Variants in LRATD1 observed in about 807,000 individuals in gnomAD.
The protein encoded by LRATD1 is LRAT domain containing 1, also known as protein LRATD1.
Under a neutral mutation model 21.3 loss-of-function variants are expected in LRATD1, and 8 were observed. The observed-to-expected ratio is 0.38, with a 90% CI of 0.22 to 0.68. The LOEUF is 0.68. Among genes scored for constraint, LRATD1 ranks in the 30% least tolerant of loss-of-function variants. The pLI, the probability that LRATD1 is intolerant of heterozygous loss-of-function variation, is 0.54. For synonymous variants in LRATD1, 210 were observed against 186.2 expected, an observed-to-expected ratio of 1.13 and a Z score of -1.04; for missense variants, 380 against 404.0, an observed-to-expected ratio of 0.94 and a Z score of 0.51.
Position 14,634,340 on chromosome 2 carries a change from G to A in LRATD1, c.361G>A (p.Glu121Lys). The A allele has an allele frequency of 1.3e-6, 2 of 1,586,156 alleles. No individual in the cohort carries two copies. The highest frequency in any genetic ancestry group is 1.7e-6 in the Non-Finnish European group (2 of 1,169,676). ...GGTCACCGCGCTGCCAGCGCTCTGC[G>A]AACCCGGCGACCTGCTGGAGCTGCT... is the stretch of plus-strand genomic sequence containing the variant. ...YAVTALPALC[E>K]PGDLLELLWL... Residue 121 changes from glutamate (E) to lysine (K), a missense_variant, in exon 2 of 2, where the codon GAA (glutamate) becomes AAA (lysine). By Grantham distance (56) the Glu-to-Lys change is moderately conservative. Transcript: ENST00000295092.
rs2103408966 is a variant in LRATD1 at position 14,637,229 on chromosome 2, C to G, written c.*2371C>G. Reference sequence around the variant, plus strand: ...TAAACACCATCTTAAGCACTTGTTCCTGCAGGACTCCTTCTTGACATTTTG... The same window carrying G: ...TAAACACCATCTTAAGCACTTGTTCGTGCAGGACTCCTTCTTGACATTTTG... On this transcript the variant is annotated 3_prime_UTR_variant, in exon 2 of 2. Transcript: ENST00000295092. The G allele has an allele frequency of 6.0e-6, 1 of 167,096 alleles. No individual in the cohort carries two copies. The highest frequency in any genetic ancestry group is 1.9e-4 in the East Asian group (1 of 5,186). 10.4% of individuals were successfully genotyped at this position (167,096 alleles called of 1,614,324 possible). A position where few individuals can be genotyped will look rare whatever the true frequency, so the allele number is the denominator to read the frequency against.
rs1205342501 is a variant in LRATD1 at position 14,636,583 on chromosome 2, G to A, written c.*1725G>A. 1 of 167,080 alleles carries A rather than the reference G, an allele frequency of 6.0e-6. No individual in the cohort carries two copies. The highest frequency in any genetic ancestry group is 1.9e-4 in the East Asian group (1 of 5,206). The allele number at this position is 167,080 out of a possible 1,614,324, so 10.3% of individuals were successfully genotyped here. A position where few individuals can be genotyped will look rare whatever the true frequency, so the allele number is the denominator to read the frequency against. On this transcript the variant is annotated 3_prime_UTR_variant, in exon 2 of 2. Transcript: ENST00000295092. ...AAACTTCTCTCCTCCCTCCAGCTGC[G>A]GCCCCAGCCTAACTGATAGTTACTT...
Position 14,635,912 on chromosome 2 carries a change from A to C in LRATD1, c.*1054A>C. On this transcript the variant is annotated 3_prime_UTR_variant, in exon 2 of 2. Transcript: ENST00000295092. ...ACATAGAAATCTTCAAAGCTGGGGA[A>C]GTGGAAATAAAGTTTTAAAAATGAG... 1 of 298,944 alleles carries C rather than the reference A, an allele frequency of 3.3e-6. No homozygotes were observed. The highest frequency in any genetic ancestry group is 7.0e-6 in the Non-Finnish European group (1 of 142,260). The allele number at this position is 298,944 out of a possible 1,614,324, so 18.5% of individuals were successfully genotyped here. A position where few individuals can be genotyped will look rare whatever the true frequency, so the allele number is the denominator to read the frequency against.
At chr2:14,644,850 A>G (rs890010825), downstream of LRATD1, among the ~76,000 whole-genome samples, 13 of 152,152 alleles carry the variant, frequency 8.5e-5, no homozygotes, top group Admixed American at 2.6e-4. Flanking sequence ...AGGATGTTGG[A>G]GCTATGAGGA....
downstream of LRATD1, chr2:14,650,683 T>G (rs140907554): frequency 3.9e-3 from 592 of 152,330 alleles, 5 homozygotes; most frequent in African/African-American, 0.013. Flanking sequence ...AACATCAATT[T>G]AATGGTTGCA....
downstream of LRATD1, among the ~76,000 whole-genome samples, chr2:14,642,679 G>A (rs1167706714): frequency 2.6e-5 from 4 of 152,156 alleles, no homozygotes; most frequent in South Asian, 8.3e-4. Flanking sequence ...AAATCACCTT[G>A]CCTGACCTTC....
In LRATD1 at chr2:14,635,170, G is replaced by A. The variant is rs550996020; in HGVS notation, c.*312G>A. ...AAACCGGGAACGGGGAAGGGGCTGA[G>A]GGGAGAAAGGACATGGCCTTCCCCG... On this transcript the variant is annotated 3_prime_UTR_variant, in exon 2 of 2. Coordinates refer to ENST00000295092, the MANE Select transcript of LRATD1 (RefSeq NM_145175.4). 3 of 651,136 alleles carry A rather than the reference G, an allele frequency of 4.6e-6. No individual in the cohort carries two copies. The African/African-American group carries it at 5.4e-5, about 12-fold the overall frequency. 40.3% of individuals were successfully genotyped at this position (651,136 alleles called of 1,614,324 possible).
chr2:14,649,105 C>T (rs1340953017), intron 4 of LRATD1, among the ~76,000 whole-genome samples: 2 of 152,068 alleles, frequency 1.3e-5, no homozygotes, highest in Non-Finnish European at 2.9e-5. Flanking sequence ...TGCCTCTCTC[C>T]CAGTGGGAAC....
rs1353889734 is a variant in LRATD1, at chr2:14,637,387, A to G, written c.*2529A>G. The G allele has an allele frequency of 6.0e-6, 1 of 167,170 alleles. No homozygotes were observed. Among genetic ancestry groups the G allele is most frequent in the East Asian group, 1.9e-4 (1 of 5,196 alleles). 10.4% of individuals were successfully genotyped at this position (167,170 alleles called of 1,614,324 possible). A position where few individuals can be genotyped will look rare whatever the true frequency, so the allele number is the denominator to read the frequency against. ...CTCTCTCACTAAGAGGGTCACTCTC[A>G]TAGAGGAATGTCTTGTCAGTTTTAT... On this transcript the variant is annotated 3_prime_UTR_variant, in exon 2 of 2. Transcript: ENST00000295092.
downstream of LRATD1, among the ~76,000 whole-genome samples, chr2:14,644,542 C>T (rs554032441): frequency 7.9e-5 from 12 of 152,248 alleles, no homozygotes; most frequent in South Asian, 2.5e-3. Flanking sequence ...CTACCAAGAT[C>T]AGCAGATTAT....
At position 14,635,589 on chromosome 2, in the gene LRATD1, C is replaced by A; in HGVS notation, c.*731C>A. ...CCCGCCTTTGCCTGCGAGTCTCCCT[C>A]GCTGGCAGAAGGGAAGCCGGCCCGG... On this transcript the variant is annotated 3_prime_UTR_variant, in exon 2 of 2. Coordinates refer to ENST00000295092, the MANE Select transcript of LRATD1 (RefSeq NM_145175.4). 1 of 471,034 alleles carries A rather than the reference C, an allele frequency of 2.1e-6. No individual in the cohort carries two copies. The highest frequency in any genetic ancestry group is 4.4e-6 in the Non-Finnish European group (1 of 227,036). 29.2% of individuals were successfully genotyped at this position (471,034 alleles called of 1,614,324 possible).
rs541850874 is a variant in LRATD1, at chr2:14,637,993, C to T, written c.*3135C>T. On this transcript the variant is annotated 3_prime_UTR_variant, in exon 2 of 2. Transcript: ENST00000295092. Reference sequence around the variant, plus strand: ...GGATTGGTTCTGTTCCCCCTGCTCCCGTGTAGAGAAAAGCTATATTTATAC... The same window carrying T: ...GGATTGGTTCTGTTCCCCCTGCTCCTGTGTAGAGAAAAGCTATATTTATAC... The T allele has an allele frequency of 1.8e-5, 3 of 166,674 alleles. No homozygotes were observed. Among genetic ancestry groups the T allele is most frequent in the Non-Finnish European group, 4.4e-5 (3 of 68,064 alleles). The allele number at this position is 166,674 out of a possible 1,614,324, so 10.3% of individuals were successfully genotyped here. A position where few individuals can be genotyped will look rare whatever the true frequency, so the allele number is the denominator to read the frequency against.
intron 4 of LRATD1, chr2:14,646,526 T>G (rs1041014951): frequency 1.3e-5 from 2 of 152,218 alleles, no homozygotes; most frequent in Admixed American, 6.5e-5. Context: ...GATCATGTGT[T>G]GGGAAAAATG....
At chr2:14,645,840 G>T (rs780504482) in intron 2 of LRATD1, among the ~76,000 whole-genome samples, 6 of 152,128 alleles carry the variant, frequency 3.9e-5, no homozygotes, top group Admixed American at 2.0e-4. Context: ...AATAATTATT[G>T]ACATTTGCTC....
chr2:14,650,089 AT>A (rs1671979144), downstream of LRATD1: 1 of 152,214 alleles, frequency 6.6e-6, no homozygotes, highest in South Asian at 2.1e-4. Flanking sequence ...AGTTTATGAT[AT>A]TATAGCAGCC....
chr2:14,650,159 T>A (rs1431007949), downstream of LRATD1: 1 of 152,224 alleles, frequency 6.6e-6, no homozygotes, highest in Non-Finnish European at 1.5e-5. Flanking sequence ...CAGTTTCTTG[T>A]TATCATACTG....
In LRATD1 at chr2:14,636,107, C is replaced by T. The variant is rs1036631356; in HGVS notation, c.*1249C>T. ...AGAGTGGATGTAGCTAAGAGCTTAG[C>T]TAACATTGCCTTTTCACTCTATTTT... On this transcript the variant is annotated 3_prime_UTR_variant, in exon 2 of 2. Transcript: ENST00000295092. 2 of 177,828 alleles carry T rather than the reference C, an allele frequency of 1.1e-5. No homozygotes were observed. The highest frequency in any genetic ancestry group is 1.7e-4 in the East Asian group (1 of 5,880). The allele number at this position is 177,828 out of a possible 1,614,324, so 11.0% of individuals were successfully genotyped here. A position where few individuals can be genotyped will look rare whatever the true frequency, so the allele number is the denominator to read the frequency against.
At position 14,634,598 on chromosome 2, in the gene LRATD1, A is replaced by T; in HGVS notation, c.619A>T (p.Ile207Phe). The part of the protein sequence containing the change: ...CGHLGLKSEE[I>F]CWTNSESFAA... ...CCACCTGGGCCTCAAGAGCGAGGAGATCTGCTGGACGAACTCGGAGAGCTT... is the reference window on the plus strand; with the variant it reads ...CCACCTGGGCCTCAAGAGCGAGGAGTTCTGCTGGACGAACTCGGAGAGCTT... Residue 207 changes from isoleucine (I) to phenylalanine (F), a missense_variant, in exon 2 of 2, where the codon ATC becomes TTC. Transcript: ENST00000295092. 1 of 1,508,910 alleles carries T rather than the reference A, an allele frequency of 6.6e-7. No homozygotes were observed. Among genetic ancestry groups the T allele is most frequent in the Non-Finnish European group, 8.9e-7 (1 of 1,124,896 alleles). The allele number at this position is 1,508,910 out of a possible 1,614,324, so 93.5% of individuals were successfully genotyped here. A position where few individuals can be genotyped will look rare whatever the true frequency, so the allele number is the denominator to read the frequency against.
Position 14,635,564 on chromosome 2 carries a change from C to A in LRATD1, c.*706C>A. The A allele has an allele frequency of 2.1e-6, 1 of 471,164 alleles. No homozygotes were observed. Among genetic ancestry groups the A allele is most frequent in the Non-Finnish European group, 4.4e-6 (1 of 227,064 alleles). The allele number at this position is 471,164 out of a possible 1,614,324, so 29.2% of individuals were successfully genotyped here. On this transcript the variant is annotated 3_prime_UTR_variant, in exon 2 of 2. Transcript: ENST00000295092. ...CCGTGGGAAGCGAACGCCACCCCCA[C>A]CCGCCTTTGCCTGCGAGTCTCCCTC...
Sources: gnomAD v4.1 joint callset for allele counts (sites outside exome capture counted in the v4.1 genomes callset) on GRCh38, gnomAD v4.1.1 for gene constraint, MANE v1.5 for transcripts, NCBI Gene and HGNC (gene_info 2026-07-23, HGNC 2026-07-21) for gene names.